Variants in GC observed in about 807,000 individuals in gnomAD.
GC encodes the protein GC vitamin D binding protein.
A neutral mutation model predicts 56.7 loss-of-function variants in GC; 43 were observed. The observed-to-expected ratio is 0.76, with a 90% confidence interval of 0.59 to 0.98. GC has a LOEUF of 0.98. GC is among the 50% of genes least tolerant of loss of function. The pLI is 0.00. For missense variants in GC, 529 were observed against 545.9 expected, an observed-to-expected ratio of 0.97 and a Z score of 0.31; for synonymous variants, 216 against 202.7, an observed-to-expected ratio of 1.07 and a Z score of -0.56.
intron 1 of GC, among the ~76,000 whole-genome samples, chr4:71,782,896 CTAT>C (rs917113732): frequency 7.5e-4 from 114 of 151,864 alleles, no homozygotes; most frequent in African/African-American, 2.6e-3. Flanking sequence ...TTTTTATACC[CTAT>C]GCTGTCTGGG....
At chr4:71,777,913 A>G (rs1468273756) in intron 1 of GC, among the ~76,000 whole-genome samples, 2 of 151,762 alleles carry the variant, frequency 1.3e-5, no homozygotes, top group African/African-American at 2.4e-5. Context: ...GAGGAATAGC[A>G]TTAGGAGAAA....
intron 1 of GC, among the ~76,000 whole-genome samples, chr4:71,777,149 G>A (rs1742533251): frequency 6.6e-6 from 1 of 151,654 alleles, no homozygotes; most frequent in Admixed American, 6.6e-5. Flanking sequence ...GTCTGCTATA[G>A]TGATGTGTTA....
At chr4:71,752,852 A>T (rs1280605269) in intron 10 of GC, among the ~76,000 whole-genome samples, 1 of 152,202 alleles carries the variant, frequency 6.6e-6, no homozygotes, top group Non-Finnish European at 1.5e-5. Context: ...GAGATCATAA[A>T]AATAAACATA....
At chr4:71,781,445 A>T (rs1742676977) in intron 1 of GC, among the ~76,000 whole-genome samples, 1 of 151,896 alleles carries the variant, frequency 6.6e-6, no homozygotes, top group South Asian at 2.1e-4. Context: ...CAAAAAAAAT[A>T]TTTTTAGTGC....
chr4:71,766,354 G>A (rs1742158617), intron 3 of GC, among the ~76,000 whole-genome samples: 1 of 152,160 alleles, frequency 6.6e-6, no homozygotes, highest in Admixed American at 6.5e-5. Flanking sequence ...AACCACTGAT[G>A]CACCTGCATT....
At chr4:71,771,875 G>A (rs1307560919) in intron 1 of GC, among the ~76,000 whole-genome samples, 1 of 152,154 alleles carries the variant, frequency 6.6e-6, no homozygotes, top group Non-Finnish European at 1.5e-5. Context: ...CTGTCCTCAT[G>A]TGGTGATGAG....
chr4:71,783,476 G>A (rs572557708), intron 1 of GC, among the ~76,000 whole-genome samples: 2 of 151,774 alleles, frequency 1.3e-5, no homozygotes, highest in African/African-American at 4.8e-5. Flanking sequence ...AAAATACAAT[G>A]CATTTTCAAA....
chr4:71,777,485 G>A (rs910279212), intron 1 of GC, among the ~76,000 whole-genome samples: 2 of 150,292 alleles, frequency 1.3e-5, no homozygotes, highest in East Asian at 1.9e-4. Context: ...CATTCCAATT[G>A]CCACCAGGAT....
At chr4:71,768,160 T>C (rs1007969804) in intron 3 of GC, 141 bp downstream of exon 3, 7 of 620,514 alleles carry the variant, frequency 1.1e-5, no homozygotes, top group Non-Finnish European at 1.9e-5. Flanking sequence ...AACCAGGCTG[T>C]AAACACAACA....
chr4:71,755,957 T>G (rs222035), intron 8 of GC, among the ~76,000 whole-genome samples: 66,725 of 152,160 alleles, frequency 0.44, 17,493 homozygotes, highest in Middle Eastern at 0.59. Flanking sequence ...TGAAATATTT[T>G]TATGCCATCA....
At chr4:71,788,624 T>G (rs1320742770), upstream of GC, among the ~76,000 whole-genome samples, 2 of 149,428 alleles carry the variant, frequency 1.3e-5, no homozygotes, top group Non-Finnish European at 3.0e-5. Flanking sequence ...ATGCAAATGA[T>G]TTTATCTTCT....
chr4:71,762,647 G>A (rs1222191161), intron 6 of GC, among the ~76,000 whole-genome samples: 1 of 152,178 alleles, frequency 6.6e-6, no homozygotes, highest in African/African-American at 2.4e-5. Flanking sequence ...ACCAGTGGAA[G>A]GTGATTAAAT....
intron 1 of GC, among the ~76,000 whole-genome samples, chr4:71,793,344 G>C (rs930514437): frequency 6.6e-6 from 1 of 152,076 alleles, no homozygotes; most frequent in African/African-American, 2.4e-5. Flanking sequence ...TTAAGCAGTG[G>C]TTTGTATTTC....
chr4:71,748,782 T>C (rs919404805), intron 11 of GC, among the ~76,000 whole-genome samples: 1 of 152,052 alleles, frequency 6.6e-6, no homozygotes, highest in Non-Finnish European at 1.5e-5. Flanking sequence ...AATGAAACAC[T>C]AAGTATGGTT....
At position 71,752,564 on chromosome 4, in the gene GC, G is replaced by A; in HGVS notation, c.1349C>T (p.Ser450Phe). The A allele has an allele frequency of 6.2e-7, 1 of 1,613,512 alleles. No homozygotes were observed. The highest frequency in any genetic ancestry group is 8.5e-7 in the Non-Finnish European group (1 of 1,179,502). ...AGGTGAGTTTATGGAACAGCAGTTG[G>A]AGGCAAAGTCTGAGTGCTTGTTAAC... is the stretch of plus-strand genomic sequence containing the variant. ...KLVNKHSDFA[S>F]NCCSINSPPL... The change falls in exon 11 of 13, where the codon TCC becomes TTC. Residue 450 changes from serine to phenylalanine, a missense_variant. Transcript: ENST00000273951.
chr4:71,753,484 CAAA>C (rs202008117), intron 10 of GC, among the ~76,000 whole-genome samples: 1 of 94,104 alleles, frequency 1.1e-5, no homozygotes, highest in African/African-American at 3.4e-5. Flanking sequence ...TCAAAGGAGG[CAAA>C]AAAAAAAAAA....
intron 6 of GC, among the ~76,000 whole-genome samples, chr4:71,759,949 C>T (rs573283486): frequency 6.6e-6 from 1 of 152,028 alleles, no homozygotes; most frequent in African/African-American, 2.4e-5. Context: ...AAACTACTAT[C>T]TCTACGTAAA....
intron 1 of GC, among the ~76,000 whole-genome samples, chr4:71,777,319 G>A (rs1187090505): frequency 1.3e-5 from 2 of 151,702 alleles, no homozygotes; most frequent in Admixed American, 6.6e-5. Flanking sequence ...TAACCATTGT[G>A]ATATACATTG....
chr4:71,786,355 C>T (rs574198483), upstream of GC, among the ~76,000 whole-genome samples: 15 of 151,834 alleles, frequency 9.9e-5, 1 homozygote, highest in South Asian at 1.7e-3. Context: ...TGAGAGGCCT[C>T]ATGTGACAAT....
Sources: gnomAD v4.1 joint callset for allele counts (sites outside exome capture counted in the v4.1 genomes callset) on GRCh38, gnomAD v4.1.1 for gene constraint, MANE v1.5 for transcripts, NCBI Gene and HGNC (gene_info 2026-07-23, HGNC 2026-07-21) for gene names.